COL28A1: variants seen among roughly 807,000 people sequenced by gnomAD.
COL28A1 encodes collagen alpha-1(XXVIII) chain.
In COL28A1, 161 loss-of-function variants were observed where a neutral mutation model predicts 150.2. The ratio of observed to expected loss-of-function variants is 1.07; its 90% CI spans 0.94 to 1.22. COL28A1 has a LOEUF of 1.22. Ranked by LOEUF, COL28A1 falls within the 50% of genes most tolerant of loss-of-function variation. The pLI, the probability that COL28A1 is intolerant of heterozygous loss-of-function variation, is 0.00. For missense variants in COL28A1, 1,617 were observed against 1,388.3 expected, an observed-to-expected ratio of 1.16 and a Z score of -2.62; for synonymous variants, 552 against 469.7, an observed-to-expected ratio of 1.18 and a Z score of -2.26.
chr7:7,473,856 T>C (rs1788641803), intron 15 of COL28A1, among the ~76,000 whole-genome samples: 1 of 151,524 alleles, frequency 6.6e-6, no homozygotes, highest in African/African-American at 2.4e-5. Flanking sequence ...TGTTTGTTTA[T>C]ATATATAGTG....
At chr7:7,370,610 TA>T in intron 33 of COL28A1, 114 bp downstream of exon 33, 1 of 760,186 alleles carries the variant, frequency 1.3e-6, no homozygotes. Flanking sequence ...GCCAAGGACC[TA>T]AAAATACACG....
At chr7:7,528,466 G>T (rs1782153385) in intron 3 of COL28A1, among the ~76,000 whole-genome samples, 1 of 152,072 alleles carries the variant, frequency 6.6e-6, no homozygotes, top group Admixed American at 6.6e-5. Context: ...AGGCATCAAG[G>T]AATTTGCAAT....
At chr7:7,391,242 G>A (rs1056923103) in intron 27 of COL28A1, among the ~76,000 whole-genome samples, 1 of 152,140 alleles carries the variant, frequency 6.6e-6, no homozygotes, top group African/African-American at 2.4e-5. Flanking sequence ...TTACCCAGTA[G>A]TCATTCAGCA....
intron 20 of COL28A1, among the ~76,000 whole-genome samples, chr7:7,442,990 G>T (rs28399265): frequency 0.19 from 28,379 of 150,762 alleles, 3,383 homozygotes; most frequent in African/African-American, 0.34. Context: ...AGCCAAGATC[G>T]TGCCACTGCA....
At chr7:7,484,529 T>G (rs996665678) in intron 13 of COL28A1, among the ~76,000 whole-genome samples, 2 of 151,872 alleles carry the variant, frequency 1.3e-5, no homozygotes, top group Non-Finnish European at 2.9e-5. Flanking sequence ...AAATACTGAC[T>G]TAAAAAAGTT....
chr7:7,499,549 T>G lies in COL28A1; in HGVS notation c.1026+6465A>C, dbSNP rs185619711. Among the ~76,000 whole-genome samples, 708 of 152,346 alleles carry G rather than the reference T, an allele frequency of 4.6e-3. 15 individuals are homozygous for G. Among genetic ancestry groups the G allele is most frequent in the Admixed American group, 0.025 (382 of 15,298 alleles). On this transcript the variant is annotated intron_variant, in intron 11 of 34. Coordinates refer to ENST00000399429, the MANE Select transcript of COL28A1 (RefSeq NM_001037763.3). ...AGGAATCTACATGTTTTCACTTGAT[T>G]TACTTCACTTCAAGTGATAAATTAT...
the COL28A1 span, among the ~76,000 whole-genome samples, chr7:7,350,061 T>C: frequency 5.3e-5 from 8 of 152,134 alleles, no homozygotes; most frequent in African/African-American, 1.9e-4. Flanking sequence ...TTAAAGAATA[T>C]GGAGGGCCCT....
Position 7,373,396 on chromosome 7 carries a change from A to T in COL28A1, c.2510T>A (p.Ile837Lys). 6.2e-7 allele frequency: 1 copy of T among 1,614,178 alleles called. No homozygotes were observed. The highest frequency in any genetic ancestry group is 8.5e-7 in the Non-Finnish European group (1 of 1,180,040). Residue 837 changes from isoleucine (I) to lysine (K), a missense_variant, in exon 32 of 35, where the codon ATA (isoleucine) becomes AAA (lysine). By Grantham distance (102) the Ile-to-Lys change is moderately radical. Coordinates refer to ENST00000399429, the MANE Select transcript of COL28A1 (RefSeq NM_001037763.3). The surrounding 1 kb of genome is among the most constrained non-coding windows in gnomAD (Gnocchi z 4.1). ...CTTATGGCTATAGTTGATTATGCCT[A>T]TGCGGGCCGTGGCAAGGTCCAGAGC... ...RVALDLATAR[I>K]GIINYSHKVE... is the part of the protein sequence containing the mutation.
chr7:7,538,740 C>CA (rs1314227635), upstream of COL28A1, among the ~76,000 whole-genome samples: 1 of 151,242 alleles, frequency 6.6e-6, no homozygotes, highest in Non-Finnish European at 1.5e-5. Flanking sequence ...GAAATACACA[C>CA]AAAAAAAGGC....
At chr7:7,483,551 A>G (rs1326182244) in intron 13 of COL28A1, among the ~76,000 whole-genome samples, 1 of 152,218 alleles carries the variant, frequency 6.6e-6, no homozygotes, top group East Asian at 1.9e-4. Flanking sequence ...ATTAGCATCA[A>G]GGAAACCCCT....
At chr7:7,508,500 T>C (rs1780947624) in intron 9 of COL28A1, among the ~76,000 whole-genome samples, 1 of 152,112 alleles carries the variant, frequency 6.6e-6, no homozygotes, top group East Asian at 1.9e-4. Context: ...TATATAGAAA[T>C]AAAGAGAGAG....
chr7:7,359,598 C>T (rs944548134), intron 34 of COL28A1, among the ~76,000 whole-genome samples: 1 of 152,160 alleles, frequency 6.6e-6, no homozygotes, highest in Non-Finnish European at 1.5e-5. Flanking sequence ...AGCCAAAAAA[C>T]ACACAAAAAA....
intron 9 of COL28A1, among the ~76,000 whole-genome samples, chr7:7,509,333 G>C (rs1392534714): frequency 1.3e-5 from 2 of 152,072 alleles, no homozygotes; most frequent in African/African-American, 4.8e-5. Flanking sequence ...ATGTTGCCCA[G>C]GCTGGTCTCA....
At position 7,417,865 on chromosome 7, in the gene COL28A1, T is replaced by A; in HGVS notation, c.2130A>T (p.Gly710=). The change falls in exon 27 of 35, where the codon GGA becomes GGT. Residue 710 remains glycine (G), a synonymous_variant. Coordinates refer to ENST00000399429, the MANE Select transcript of COL28A1 (RefSeq NM_001037763.3). ...PPGPPGYGSQ[G]IKGEQGPQGF... ...CACAACCCTATTCACTTACTTTAAT[T>A]CCCTGTGATCCATAGCCAGGGGGGC... 1.2e-6 allele frequency: 2 copies of A among 1,613,176 alleles called. No homozygotes were observed. The highest frequency in any genetic ancestry group is 1.7e-6 in the Non-Finnish European group (2 of 1,179,446).
At chr7:7,472,314 C>T (rs573235117) in intron 15 of COL28A1, among the ~76,000 whole-genome samples, 4 of 152,030 alleles carry the variant, frequency 2.6e-5, no homozygotes, top group Admixed American at 6.6e-5. Flanking sequence ...TAAAAGAATT[C>T]AACAAAGTTT....
chr7:7,385,211 G>T (rs932747873), intron 27 of COL28A1, among the ~76,000 whole-genome samples: 3 of 152,212 alleles, frequency 2.0e-5, no homozygotes, highest in Non-Finnish European at 4.4e-5. Context: ...TGTTTTCTCA[G>T]ATTTTTTGTG....
chr7:7,517,780 C>G lies in COL28A1; in HGVS notation c.855+16G>C, dbSNP rs1781496566. 1 of 1,613,356 alleles carries G rather than the reference C, an allele frequency of 6.2e-7. No individual in the cohort carries two copies. Among genetic ancestry groups the G allele is most frequent in the Non-Finnish European group, 8.5e-7 (1 of 1,179,540 alleles). ...AGGATCACTTTCTTAGGAAGGCATT[C>G]CAGTTGTGTACATACCCCTGGACCT... is the stretch of plus-strand genomic sequence containing the variant. On this transcript the variant is annotated intron_variant, in intron 7 of 34. Transcript: ENST00000399429.
intron 16 of COL28A1, among the ~76,000 whole-genome samples, chr7:7,453,857 C>A (rs563596678): frequency 4.6e-5 from 7 of 152,294 alleles, no homozygotes; most frequent in Middle Eastern, 3.4e-3. Context: ...CCTTCTCCTT[C>A]CCTTTTCCTC....
chr7:7,373,352 A>G lies in COL28A1; in HGVS notation c.2554T>C (p.Leu852=). 6.2e-7 allele frequency: 1 copy of G among 1,614,152 alleles called. No homozygotes were observed. Among genetic ancestry groups the G allele is most frequent in the African/African-American group, 1.3e-5 (1 of 75,020 alleles). ...YSHKVEKVAN[L]KQFSSKDDFK... The stretch of plus-strand genomic sequence containing the variant: ...TCATCCTTGCTGGAGAACTGCTTCA[A>G]ATTAGCCACCTTCTCCACCTTATGG... Residue 852 remains leucine, a synonymous_variant, in exon 32 of 35, where the codon TTG becomes CTG. Coordinates refer to ENST00000399429, the MANE Select transcript of COL28A1 (RefSeq NM_001037763.3). This position sits in a 1 kb window ranked among gnomAD's most constrained non-coding sequence, Gnocchi z 4.1.
Sources: allele counts gnomAD v4.1 joint callset (sites outside exome capture counted in the v4.1 genomes callset), GRCh38; gene constraint gnomAD v4.1.1; non-coding constraint Gnocchi (gnomAD v3.1); transcripts MANE v1.5; gene names NCBI Gene and HGNC (gene_info 2026-07-23, HGNC 2026-07-21).